The following MAST4 variants were observed in gnomAD, a reference collection of about 807,000 sequenced individuals.
The protein encoded by MAST4 is microtubule associated serine/threonine kinase family member 4.
Under a neutral mutation model 162.7 loss-of-function variants are expected in MAST4, and 89 were observed. The ratio of observed to expected loss-of-function variants is 0.55; its 90% CI spans 0.46 to 0.65. The LOEUF is 0.65. MAST4 is among the 30% of genes least tolerant of loss of function. The pLI is 0.00. For missense variants in MAST4, 3,153 were observed against 3,374.0 expected, an observed-to-expected ratio of 0.93 and a Z score of 1.62; for synonymous variants, 1,479 against 1,361.1, an observed-to-expected ratio of 1.09 and a Z score of -1.91.
At chr5:66,957,559 A>G (rs1265086110) in intron 4 of MAST4, among the ~76,000 whole-genome samples, 5 of 152,146 alleles carry the variant, frequency 3.3e-5, no homozygotes, top group Non-Finnish European at 5.9e-5. Flanking sequence ...TATTTCAAGT[A>G]TGGATTTGTT....
chr5:66,913,075 GT>G, intron 4 of MAST4, among the ~76,000 whole-genome samples: 1 of 152,136 alleles, frequency 6.6e-6, no homozygotes, highest in Non-Finnish European at 1.5e-5. Context: ...TAGTAGTGAG[GT>G]TTCCCCAATA....
chr5:66,789,356 G>A (rs960877869), intron 3 of MAST4, among the ~76,000 whole-genome samples: 3 of 152,140 alleles, frequency 2.0e-5, no homozygotes, highest in East Asian at 1.9e-4. Flanking sequence ...CAGTTTTATC[G>A]ATTGACTCAT....
At chr5:66,772,960 C>T (rs542132609) in intron 2 of MAST4, among the ~76,000 whole-genome samples, 161 of 152,292 alleles carry the variant, frequency 1.1e-3, no homozygotes, top group Non-Finnish European at 1.5e-3. Flanking sequence ...CACACACATG[C>T]TTTATTTGTT....
At chr5:67,016,902 C>T (rs1384858881) in intron 4 of MAST4, among the ~76,000 whole-genome samples, 2 of 152,166 alleles carry the variant, frequency 1.3e-5, no homozygotes, top group African/African-American at 4.8e-5. Context: ...GACAAAAATT[C>T]TTTCTGATTA....
intron 1 of MAST4, among the ~76,000 whole-genome samples, chr5:66,673,440 T>C (rs1414550544): frequency 6.6e-6 from 1 of 151,926 alleles, no homozygotes; most frequent in Non-Finnish European, 1.5e-5. Flanking sequence ...TTACCACTTA[T>C]GAAGTTACCA....
At chr5:66,785,255 G>A (rs955168148) in intron 2 of MAST4, among the ~76,000 whole-genome samples, 1 of 152,000 alleles carries the variant, frequency 6.6e-6, no homozygotes, top group African/African-American at 2.4e-5. Flanking sequence ...AACAAAAAAC[G>A]CTAGGTTGCA....
chr5:66,806,488 G>A (rs1756191393), intron 3 of MAST4, among the ~76,000 whole-genome samples: 1 of 152,186 alleles, frequency 6.6e-6, no homozygotes, highest in South Asian at 2.1e-4. Flanking sequence ...TTCATTAAGA[G>A]GGAAAGACTG....
intron 1 of MAST4, among the ~76,000 whole-genome samples, chr5:66,667,743 A>G (rs980378368): frequency 6.6e-6 from 1 of 152,200 alleles, no homozygotes; most frequent in African/African-American, 2.4e-5. Context: ...ACGTTAGTCT[A>G]TGGAATGTGG....
chr5:67,058,154 G>A (rs1164660044), intron 5 of MAST4, among the ~76,000 whole-genome samples: 1 of 152,152 alleles, frequency 6.6e-6, no homozygotes, highest in Non-Finnish European at 1.5e-5. Flanking sequence ...AGGATCGCCT[G>A]AGCTGGGGAG....
chr5:66,828,473 A>T (rs186454891), intron 3 of MAST4, among the ~76,000 whole-genome samples: 89 of 152,296 alleles, frequency 5.8e-4, no homozygotes, highest in Middle Eastern at 3.4e-3. Flanking sequence ...GTTGCTTCAG[A>T]TGGGGCTTGA....
chr5:66,917,018 G>A (rs373175597), intron 4 of MAST4: 177 of 717,840 alleles, frequency 2.5e-4, no homozygotes, highest in Non-Finnish European at 3.6e-4. Context: ...TTGGTCAAAC[G>A]GTATGTGTAT....
At chr5:66,730,544 A>T (rs16895555) in intron 1 of MAST4, among the ~76,000 whole-genome samples, 4,808 of 152,288 alleles carry the variant, frequency 0.032, 189 homozygotes, top group African/African-American at 0.09. Flanking sequence ...GGCATTTGAC[A>T]TAAGCATATT....
intron 1 of MAST4, among the ~76,000 whole-genome samples, chr5:66,747,098 G>GTGTA (rs1752808667): frequency 3.4e-4 from 2 of 5,850 alleles, no homozygotes; most frequent in South Asian, 5.3e-3. Flanking sequence ...CATGCGCATG[G>GTGTA]TGTGTGTGTG....
At chr5:67,041,660 G>T (rs1756755696) in intron 4 of MAST4, among the ~76,000 whole-genome samples, 1 of 152,100 alleles carries the variant, frequency 6.6e-6, no homozygotes, top group South Asian at 2.1e-4. Flanking sequence ...ACAAAGTCTT[G>T]CTCTGTTGCC....
At chr5:66,986,683 C>T (rs1222405415) in intron 4 of MAST4, among the ~76,000 whole-genome samples, 5 of 151,108 alleles carry the variant, frequency 3.3e-5, no homozygotes, top group Non-Finnish European at 4.4e-5. Flanking sequence ...GGCAGTAACA[C>T]GATCATAGCT....
intron 4 of MAST4, among the ~76,000 whole-genome samples, chr5:66,954,930 C>G (rs61636286): frequency 0.06 from 9,051 of 149,612 alleles, 933 homozygotes; most frequent in African/African-American, 0.21. Flanking sequence ...GCCAGATATA[C>G]TGGCTTATGC....
At chr5:67,077,587 T>G (rs1170673240) in intron 5 of MAST4, among the ~76,000 whole-genome samples, 1 of 152,200 alleles carries the variant, frequency 6.6e-6, no homozygotes, top group Non-Finnish European at 1.5e-5. Flanking sequence ...TGCTCTGCCT[T>G]AATTTCCTAC....
chr5:67,067,418 T>C (rs1228324334), intron 5 of MAST4, among the ~76,000 whole-genome samples: 1 of 152,210 alleles, frequency 6.6e-6, no homozygotes, highest in East Asian at 1.9e-4. Context: ...TATTATAAAG[T>C]ACAACAACAG....
chr5:66,945,071 CT>C (rs141889725), intron 4 of MAST4, among the ~76,000 whole-genome samples: 6,812 of 152,162 alleles, frequency 0.045, 215 homozygotes, highest in Middle Eastern at 0.099. Flanking sequence ...CTGTCATATC[CT>C]GGGTTTTAAA....
Sources: gnomAD v4.1 joint callset for allele counts (sites outside exome capture counted in the v4.1 genomes callset) on GRCh38, gnomAD v4.1.1 for gene constraint, MANE v1.5 for transcripts, NCBI Gene and HGNC (gene_info 2026-07-23, HGNC 2026-07-21) for gene names.